Variants in LHPP observed in about 807,000 individuals in gnomAD.
LHPP encodes the protein phospholysine phosphohistidine inorganic pyrophosphate phosphatase.
A neutral mutation model predicts 30.3 loss-of-function variants in LHPP; 24 were observed. The observed-to-expected ratio is 0.79, with a 90% CI of 0.57 to 1.11. The LOEUF is 1.11. LHPP is among the 50% of genes most tolerant of loss of function. The pLI, the probability that LHPP is intolerant of heterozygous loss-of-function variation, is 0.00. For synonymous variants in LHPP, 150 were observed against 157.1 expected, an observed-to-expected ratio of 0.95 and a Z score of 0.34; for missense variants, 356 against 367.2, an observed-to-expected ratio of 0.97 and a Z score of 0.25.
chr10:124,512,193 CTGCGAAGGCCT>C (rs1380038906), intron 5 of LHPP, among the ~76,000 whole-genome samples: 4 of 152,218 alleles, frequency 2.6e-5, no homozygotes, highest in Non-Finnish European at 5.9e-5. Flanking sequence ...TGGCACTGGC[CTGCGAAGGCCT>C]AGGGCAAAGG....
chr10:124,592,767 G>A lies in LHPP; in HGVS notation c.717-20497G>A, dbSNP rs1204508223. Among the ~76,000 whole-genome samples the A allele has an allele frequency of 6.6e-6, 1 of 152,244 alleles. No homozygotes were observed. The highest frequency in any genetic ancestry group is 1.5e-5 in the Non-Finnish European group (1 of 68,046). ...AAAGCAGTGTTGACAGAGTGTCCTG[G>A]AGGGCAGCTTGTCTCCCTGGCCTGG... is the stretch of plus-strand genomic sequence containing the variant. On this transcript the variant is annotated intron_variant, in intron 6 of 6. Coordinates refer to ENST00000368842, the MANE Select transcript of LHPP (RefSeq NM_022126.4). This position sits in a 1 kb window ranked among gnomAD's most constrained non-coding sequence, Gnocchi z 6.2.
At chr10:124,506,263 A>ACCCCCCCCCCCCCCCCCC (rs539116106) in intron 5 of LHPP, among the ~76,000 whole-genome samples, 3 of 86,330 alleles carry the variant, frequency 3.5e-5, no homozygotes, top group Admixed American at 1.3e-4. Context: ...AAAACAACAA[A>ACCCCCCCCCCCCCCCCCC]CCCCCCCCCC....
intron 6 of LHPP, among the ~76,000 whole-genome samples, chr10:124,548,757 C>T (rs78093248): frequency 0.031 from 4,689 of 152,294 alleles, 241 homozygotes; most frequent in African/African-American, 0.1. Flanking sequence ...CTCCGAGGGA[C>T]AGGTTGGCTG....
At position 124,517,341 on chromosome 10, in the gene LHPP, T is replaced by C; in HGVS notation, c.716+70T>C. The stretch of plus-strand genomic sequence containing the variant: ...TGACCACATTCTCATTCTGTTTTGT[T>C]CTTCAAAATAAAGGGGATATTCTTT... On this transcript the variant is annotated intron_variant, in intron 6 of 6. Transcript: ENST00000368842. The surrounding 1 kb of genome is among the most constrained non-coding windows in gnomAD (Gnocchi z 4.1). 9.7e-7 allele frequency: 1 copy of C among 1,032,246 alleles called. No homozygotes were observed. Among genetic ancestry groups the C allele is most frequent in the South Asian group, 1.6e-5 (1 of 60,844 alleles). The allele number at this position is 1,032,246 out of a possible 1,614,324, so 63.9% of individuals were successfully genotyped here. A position where few individuals can be genotyped will look rare whatever the true frequency, so the allele number is the denominator to read the frequency against.
At chr10:124,566,620 C>A (rs1948494597) in intron 6 of LHPP, among the ~76,000 whole-genome samples, 2 of 152,224 alleles carry the variant, frequency 1.3e-5, no homozygotes, top group African/African-American at 4.8e-5. Flanking sequence ...CACCCCTACC[C>A]CATCCCGGAG....
At chr10:124,539,602 G>A (rs1955125205) in intron 6 of LHPP, among the ~76,000 whole-genome samples, 1 of 152,166 alleles carries the variant, frequency 6.6e-6, no homozygotes, top group South Asian at 2.1e-4. Flanking sequence ...CAGGCGTGGT[G>A]GCTCACGCCT....
At chr10:124,602,825 T>G (rs1374615101) in intron 6 of LHPP, among the ~76,000 whole-genome samples, 1 of 152,138 alleles carries the variant, frequency 6.6e-6, no homozygotes, top group Non-Finnish European at 1.5e-5. Context: ...ACCAGGAGAC[T>G]GTAAGGATCC....
intron 6 of LHPP, among the ~76,000 whole-genome samples, chr10:124,607,534 C>G (rs893458677): frequency 1.2e-4 from 19 of 152,198 alleles, no homozygotes; most frequent in Non-Finnish European, 2.4e-4. Flanking sequence ...GGTACACGTG[C>G]GGAGTGGGGC....
At chr10:124,558,846 G>A (rs574588322) in intron 6 of LHPP, among the ~76,000 whole-genome samples, 10 of 152,342 alleles carry the variant, frequency 6.6e-5, no homozygotes, top group Admixed American at 3.3e-4. Context: ...ATTCCCATGC[G>A]TAGCGAAACC....
intron 6 of LHPP, among the ~76,000 whole-genome samples, chr10:124,585,940 A>G (rs1948799065): frequency 6.6e-6 from 1 of 152,030 alleles, no homozygotes; most frequent in African/African-American, 2.4e-5. Flanking sequence ...GTGTGCCACC[A>G]CACCCAGCTA....
chr10:124,566,011 C>A (rs976938084), intron 6 of LHPP, among the ~76,000 whole-genome samples: 1 of 152,248 alleles, frequency 6.6e-6, no homozygotes, highest in Non-Finnish European at 1.5e-5. Context: ...CTGGAGCCGT[C>A]GCCGTACCCC....
Position 124,576,409 on chromosome 10 carries a change from C to T in LHPP, c.717-36855C>T, listed in dbSNP as rs189662136. 1.3e-3 allele frequency among the ~76,000 whole-genome samples: 203 copies of T among 151,614 alleles called. No homozygotes were observed. Among genetic ancestry groups the T allele is most frequent in the African/African-American group, 4.2e-3 (172 of 41,280 alleles). On this transcript the variant is annotated intron_variant, in intron 6 of 6. Coordinates refer to ENST00000368842, the MANE Select transcript of LHPP (RefSeq NM_022126.4). This position sits in a 1 kb window ranked among gnomAD's most constrained non-coding sequence, Gnocchi z 4.2. The stretch of plus-strand genomic sequence containing the variant: ...CCCTTGCGGTACCCGTATATCCCAC[C>T]CCCAGACTCCTTTCCATGAGCTGCT...
At chr10:124,566,627 G>A (rs1948494711) in intron 6 of LHPP, among the ~76,000 whole-genome samples, 2 of 152,168 alleles carry the variant, frequency 1.3e-5, no homozygotes, top group African/African-American at 4.8e-5. Flanking sequence ...ACCCCATCCC[G>A]GAGAGCCAGT....
chr10:124,530,368 G>A (rs557127838), intron 6 of LHPP, among the ~76,000 whole-genome samples: 20 of 152,152 alleles, frequency 1.3e-4, no homozygotes, highest in Admixed American at 5.9e-4. Context: ...GCCGATGCAC[G>A]CACAGCTACA....
At position 124,510,482 on chromosome 10, in the gene LHPP, G is replaced by A. The variant is rs1011724158; in HGVS notation, c.625-6698G>A. Among the ~76,000 whole-genome samples the A allele has an allele frequency of 2.0e-5, 3 of 152,092 alleles. No homozygotes were observed. Among genetic ancestry groups the A allele is most frequent in the African/African-American group, 7.2e-5 (3 of 41,410 alleles). ...CCTGGAGGCAGCCTCGCTTTATCCCGCAGAACCTCCACGCTGTTCCTGCAT... is the reference window on the plus strand; with the variant it reads ...CCTGGAGGCAGCCTCGCTTTATCCCACAGAACCTCCACGCTGTTCCTGCAT... On this transcript the variant is annotated intron_variant, in intron 5 of 6. Coordinates refer to ENST00000368842, the MANE Select transcript of LHPP (RefSeq NM_022126.4). The surrounding 1 kb of genome is among the most constrained non-coding windows in gnomAD (Gnocchi z 4.0).
chr10:124,505,680 A>C (rs11593207), intron 5 of LHPP, among the ~76,000 whole-genome samples: 19,923 of 152,204 alleles, frequency 0.13, 1,683 homozygotes, highest in East Asian at 0.27. Flanking sequence ...CTCACGGTTT[A>C]AGCTTCTGAA....
At chr10:124,550,726 C>A (rs578045935) in intron 6 of LHPP, among the ~76,000 whole-genome samples, 1 of 152,196 alleles carries the variant, frequency 6.6e-6, no homozygotes, top group South Asian at 2.1e-4. Flanking sequence ...CCTCTCCAGG[C>A]GGCGATTCCG....
At chr10:124,489,466 A>G (rs568288742) in intron 3 of LHPP, among the ~76,000 whole-genome samples, 4 of 152,080 alleles carry the variant, frequency 2.6e-5, no homozygotes, top group South Asian at 4.2e-4. Flanking sequence ...ATATATATAT[A>G]TTTTTTAAGA....
At chr10:124,531,846 G>A (rs887272006) in intron 6 of LHPP, among the ~76,000 whole-genome samples, 1 of 152,186 alleles carries the variant, frequency 6.6e-6, no homozygotes, top group Non-Finnish European at 1.5e-5. Context: ...ACTTTCATCT[G>A]CCAGTTTTAG....
Sources: gnomAD v4.1 joint callset for allele counts (sites outside exome capture counted in the v4.1 genomes callset) on GRCh38, gnomAD v4.1.1 for gene constraint, Gnocchi (gnomAD v3.1) non-coding constraint, MANE v1.5 for transcripts, NCBI Gene and HGNC (gene_info 2026-07-23, HGNC 2026-07-21) for gene names.